The following SRRM1 variants were observed in gnomAD, a reference collection of about 807,000 sequenced individuals.
SRRM1 encodes the protein serine/arginine repetitive matrix protein 1.
Under a neutral mutation model 110.2 loss-of-function variants are expected in SRRM1, and 19 were observed. The observed-to-expected ratio is 0.17, with a 90% CI of 0.12 to 0.25. The LOEUF (loss-of-function observed/expected upper bound fraction) is 0.25, where lower values mean the gene tolerates loss of function less well. SRRM1 is among the 10% of genes least tolerant of loss of function. The probability of loss-of-function intolerance (pLI) is 1.00; values close to 1 mark genes in which losing one functional copy is unlikely to be tolerated. For synonymous variants in SRRM1, 443 were observed against 414.9 expected (o/e 1.07, Z -0.82); for missense variants, 918 against 1,145.8 (o/e 0.80, Z 2.87).
intron 6 of SRRM1, among the ~76,000 whole-genome samples, chr1:24,652,065 T>TATATATAC (rs1168786510): frequency 7.4e-6 from 1 of 134,264 alleles, no homozygotes; most frequent in Non-Finnish European, 1.6e-5. Context: ...TATATATATG[T>TATATATAC]ACACACACAC....
intron 15 of SRRM1, 131 bp from the exon 16 acceptor site, chr1:24,671,255 C>A: frequency 1.0e-6 from 1 of 996,256 alleles, no homozygotes; most frequent in Non-Finnish European, 1.5e-6. Context: ...CTTCCCCACT[C>A]ACACCCTCCA....
rs371044506 is a variant in SRRM1, at chr1:24,645,979, T to C, written c.22-5T>C. The C allele has an allele frequency of 6.2e-6, 10 of 1,612,506 alleles. No homozygotes were observed. Among genetic ancestry groups the C allele is most frequent in the Non-Finnish European group, 7.6e-6 (9 of 1,179,122 alleles). Reference sequence around the variant, plus strand: ...CTTAGTTAAGATGTGGTTCTCTTCCTGCAGGGAACAAGTGCAGAACAGGAT... The same window carrying C: ...CTTAGTTAAGATGTGGTTCTCTTCCCGCAGGGAACAAGTGCAGAACAGGAT... On this transcript the variant is annotated splice_polypyrimidine_tract_variant and splice_region_variant and intron_variant, in intron 1 of 16. Coordinates refer to ENST00000323848, the MANE Select transcript of SRRM1 (RefSeq NM_005839.4).
chr1:24,669,350 T>C lies in SRRM1; in HGVS notation c.1967T>C (p.Leu656Ser). 2 of 1,613,998 alleles carry C rather than the reference T, an allele frequency of 1.2e-6. No individual in the cohort carries two copies. The highest frequency in any genetic ancestry group is 1.7e-6 in the Non-Finnish European group (2 of 1,180,002). Residue 656 changes from leucine to serine, a missense_variant, in exon 14 of 17, where the codon TTA (leucine) becomes TCA (serine). Physicochemically the swap from Leu to Ser is moderately radical, Grantham distance 145. Around this residue, in one of 5 missense-constraint regions of SRRM1, gnomAD observed 357 missense variants for 402.9 expected, o/e 0.89. Transcript: ENST00000323848. ...SPVTKRRSPS[L>S]SSKHRKGSSP... ...GTCACCAAGAGACGTTCACCTTCATTATCATCCAAGCATAGGAAAGGGTCT... is the reference window on the plus strand; with the variant it reads ...GTCACCAAGAGACGTTCACCTTCATCATCATCCAAGCATAGGAAAGGGTCT...
intron 9 of SRRM1, among the ~76,000 whole-genome samples, chr1:24,655,999 G>A (rs1345620732): frequency 6.6e-6 from 1 of 152,186 alleles, no homozygotes; most frequent in East Asian, 1.9e-4. Flanking sequence ...CAGCTACTCA[G>A]AAGGCTAAGG....
intron 15 of SRRM1, among the ~76,000 whole-genome samples, chr1:24,670,826 C>T (rs1437447902): frequency 1.3e-5 from 2 of 151,810 alleles, no homozygotes; most frequent in Non-Finnish European, 2.9e-5. Context: ...TAAGTAATTG[C>T]TTAGAAGTGT....
At chr1:24,670,715 C>A (rs990567478) in intron 15 of SRRM1, among the ~76,000 whole-genome samples, 6 of 152,182 alleles carry the variant, frequency 3.9e-5, no homozygotes, top group Admixed American at 3.9e-4. Context: ...CCAGGCTGAT[C>A]TTGAACTCCT....
rs144244065 is a variant in SRRM1 at position 24,648,975 on chromosome 1, G to T, written c.351G>T (p.Ala117=). 3.7e-6 allele frequency: 6 copies of T among 1,613,776 alleles called. No homozygotes were observed. In the African/African-American group the frequency reaches 8.0e-5, roughly 22 times the overall value. ...TGCTAAGTGCACAAGAAAACATCGC[G>T]GGAATCCCTTCTGCTTTCCTAGAAC... The part of the protein sequence containing the change: ...PLLLSAQENI[A]GIPSAFLELK... The change falls in exon 4 of 17, where the codon GCG becomes GCT. Residue 117 remains alanine, a synonymous_variant. Transcript: ENST00000323848.
intron 9 of SRRM1, among the ~76,000 whole-genome samples, chr1:24,656,079 AAAAG>A (rs1394890568): frequency 1.3e-5 from 2 of 152,176 alleles, no homozygotes; most frequent in African/African-American, 4.8e-5. Flanking sequence ...GACTCTTAAA[AAAAG>A]AGAGAGAAAA....
rs565378986 is a variant in SRRM1, at chr1:24,646,857, T to G, written c.234+68T>G. The G allele has an allele frequency of 2.9e-6, 4 of 1,373,438 alleles. No individual in the cohort carries two copies. In the Admixed American group the frequency reaches 1.0e-4, roughly 36 times the overall value. 85.1% of individuals were successfully genotyped at this position (1,373,438 alleles called of 1,614,324 possible). ...AATTTGTGAATCTTTGGAAACTGAA[T>G]TTTTTCTATGGAGTGCAAATATAGA... is the stretch of plus-strand genomic sequence containing the variant. On this transcript the variant is annotated intron_variant, in intron 3 of 16. Coordinates refer to ENST00000323848, the MANE Select transcript of SRRM1 (RefSeq NM_005839.4).
At position 24,652,930 on chromosome 1, in the gene SRRM1, G is replaced by A; in HGVS notation, c.938G>A (p.Arg313Lys). The change falls in exon 8 of 17, where the codon AGG (arginine) becomes AAG (lysine). Residue 313 changes from arginine (R) to lysine (K), a missense_variant. By Grantham distance (26) the Arg-to-Lys change is conservative. Around this residue, in one of 5 missense-constraint regions of SRRM1, gnomAD observed 456 missense variants for 453.5 expected, o/e 1.01. Transcript: ENST00000323848. ...TATGGCAGATCGTATTCACCTAGAA[G>A]GCGGCCAAGCCCAAGAAGGCGGCCA... ...RSRSRSYSPR[R>K]RPSPRRRPSP... 2 of 1,613,896 alleles carry A rather than the reference G, an allele frequency of 1.2e-6. No individual in the cohort carries two copies. The highest frequency in any genetic ancestry group is 1.7e-6 in the Non-Finnish European group (2 of 1,179,902).
chr1:24,651,809 T>C (rs180815699), intron 6 of SRRM1, among the ~76,000 whole-genome samples, 197 bp downstream of exon 6: 127 of 151,776 alleles, frequency 8.4e-4, no homozygotes, highest in African/African-American at 2.9e-3. Context: ...TTACTATCTT[T>C]TGGTTGTATT....
intron 9 of SRRM1, among the ~76,000 whole-genome samples, chr1:24,658,087 G>A (rs1005550541): frequency 6.6e-6 from 1 of 152,072 alleles, no homozygotes; most frequent in Admixed American, 6.5e-5. Flanking sequence ...AAAGTAAATG[G>A]TGTAAAGTCT....
At chr1:24,650,191 C>A in intron 5 of SRRM1, 105 bp downstream of exon 5, 1 of 1,156,960 alleles carries the variant, frequency 8.6e-7, no homozygotes, top group Non-Finnish European at 1.1e-6. Context: ...GGAATTTGTT[C>A]CATCATGCAG....
intron 13 of SRRM1, 21 bp from the exon 14 acceptor site, chr1:24,669,102 A>G (rs770224248): frequency 1.2e-5 from 19 of 1,593,026 alleles, no homozygotes; most frequent in Non-Finnish European, 1.5e-5. Flanking sequence ...CTTTCAGCTT[A>G]ATTATGTATC....
chr1:24,666,138 A>G (rs1310640089), intron 12 of SRRM1, among the ~76,000 whole-genome samples: 4 of 152,190 alleles, frequency 2.6e-5, no homozygotes, highest in African/African-American at 9.7e-5. Flanking sequence ...TAAGCTTCCT[A>G]GGTGGTTCTA....
Position 24,650,030 on chromosome 1 carries a change from TAAG to T in SRRM1, c.466_468del (p.Lys156del). 1 of 1,598,262 alleles carries T rather than the reference TAAG, an allele frequency of 6.3e-7. No individual in the cohort carries two copies. Among genetic ancestry groups the T allele is most frequent in the Non-Finnish European group, 8.5e-7 (1 of 1,172,278 alleles). On this transcript the variant is annotated inframe_deletion, in exon 5 of 17. Transcript: ENST00000323848. ...AAGATGAAGACAAAGATAAAAGAGA[TAAG>T]GAAGAAAAAGAAAGCAGCAGAGAAA... is the stretch of plus-strand genomic sequence containing the variant.
At chr1:24,662,639 T>G in intron 11 of SRRM1, 21 bp from the exon 12 acceptor site, 1 of 1,609,154 alleles carries the variant, frequency 6.2e-7, no homozygotes, top group Non-Finnish European at 8.5e-7. Flanking sequence ...ATGTAATATT[T>G]TTTTAATTTT....
chr1:24,666,965 T>TCC, intron 13 of SRRM1, 40 bp downstream of exon 13: 1 of 1,206,832 alleles, frequency 8.3e-7, no homozygotes, highest in Non-Finnish European at 1.2e-6. Flanking sequence ...TCTCCCCAAC[T>TCC]CCCCCCGCCC....
At position 24,658,666 on chromosome 1, in the gene SRRM1, A is replaced by G. The variant is rs553032612; in HGVS notation, c.1316-2053A>G. Among the ~76,000 whole-genome samples the G allele has an allele frequency of 1.2e-4, 18 of 152,332 alleles. No homozygotes were observed. In the South Asian group the frequency reaches 3.3e-3, roughly 28 times the overall value. On this transcript the variant is annotated intron_variant, in intron 9 of 16. Coordinates refer to ENST00000323848, the MANE Select transcript of SRRM1 (RefSeq NM_005839.4). ...CACTTTTTAACGACGTGCCCATAATATCTTTGCAGAAATTGAGGATTAAGT... is the reference window on the plus strand; with the variant it reads ...CACTTTTTAACGACGTGCCCATAATGTCTTTGCAGAAATTGAGGATTAAGT...
Sources: allele counts gnomAD v4.1 joint callset (sites outside exome capture counted in the v4.1 genomes callset), GRCh38; gene constraint gnomAD v4.1.1; regional missense constraint gnomAD v4.1.1; transcripts MANE v1.5; gene names NCBI Gene and HGNC (gene_info 2026-07-23, HGNC 2026-07-21).